Variants in SLC25A23 observed in about 807,000 individuals in gnomAD.
SLC25A23 encodes the protein mitochondrial adenyl nucleotide antiporter SLC25A23.
Under a neutral mutation model 53.9 loss-of-function variants are expected in SLC25A23, and 32 were observed. That is an observed-to-expected ratio of 0.59 (90% CI 0.45 to 0.80). The LOEUF (loss-of-function observed/expected upper bound fraction) is 0.80, where lower values mean the gene tolerates loss of function less well. SLC25A23 is among the 30% of genes least tolerant of loss of function. SLC25A23 has a pLI of 0.00. For missense variants in SLC25A23, 575 were observed against 651.4 expected, an observed-to-expected ratio of 0.88 and a Z score of 1.28; for synonymous variants, 275 against 264.5, an observed-to-expected ratio of 1.04 and a Z score of -0.38.
In SLC25A23 at chr19:6,456,286, C is replaced by T. The variant is rs368117421; in HGVS notation, c.483+134G>A. 1,067 of 970,370 alleles carry T rather than the reference C, an allele frequency of 1.1e-3. 1 individual carries two copies. Among genetic ancestry groups the T allele is most frequent in the East Asian group, 1.5e-3 (56 of 38,432 alleles). The allele number at this position is 970,370 out of a possible 1,614,324, so 60.1% of individuals were successfully genotyped here. ...AGGAAGAGAGGAACAGACCCTCATC[C>T]GTCAGCTGCTGCCAGTGCCTTCTCC... On this transcript the variant is annotated intron_variant, in intron 4 of 9. Transcript: ENST00000301454.
At chr19:6,458,101 CT>C (rs1294563102) in intron 2 of SLC25A23, 96 bp downstream of exon 2, 7 of 1,465,654 alleles carry the variant, frequency 4.8e-6, no homozygotes, top group Non-Finnish European at 6.4e-6. Flanking sequence ...GGCCCTCCCC[CT>C]CTCCTCCTAG....
In SLC25A23 at chr19:6,459,513, G is replaced by T; in HGVS notation, c.116C>A (p.Ala39Asp). The T allele has an allele frequency of 6.3e-7, 1 of 1,596,180 alleles. No individual in the cohort carries two copies. Residue 39 changes from alanine (A) to aspartate (D), a missense_variant, in exon 1 of 10, where the codon GCC (alanine) becomes GAC (aspartate). By Grantham distance (126) the Ala-to-Asp change is moderately radical (BLOSUM62 -2). Transcript: ENST00000301454. This position sits in a 1 kb window ranked among gnomAD's most constrained non-coding sequence, Gnocchi z 4.6. Reference sequence around the variant, plus strand: ...GTCTGGGTTGCCCCCGCCCAGCCTGGCCAGCCCCTGGCGCAACTCGTGCAC... The same window carrying T: ...GTCTGGGTTGCCCCCGCCCAGCCTGTCCAGCCCCTGGCGCAACTCGTGCAC... ...VDVHELRQGL[A>D]RLGGGNPDPG...
chr19:6,439,821 C>G (rs1481515698), downstream of SLC25A23, among the ~76,000 whole-genome samples: 1 of 151,998 alleles, frequency 6.6e-6, no homozygotes. Context: ...CAGAGTGAGA[C>G]TCCATCTCAA....
chr19:6,452,556 A>G, intron 7 of SLC25A23, 77 bp from the exon 8 acceptor site: 1 of 1,497,100 alleles, frequency 6.7e-7, no homozygotes, highest in Non-Finnish European at 9.0e-7. Flanking sequence ...ACCTAGAAAT[A>G]GCTACTCCTG....
At chr19:6,453,028 G>A (rs2092615157) in intron 7 of SLC25A23, among the ~76,000 whole-genome samples, 1 of 152,208 alleles carries the variant, frequency 6.6e-6, no homozygotes, top group South Asian at 2.1e-4. Context: ...GGTTCAGAAA[G>A]CATCCTTAGA....
chr19:6,453,896 T>A, intron 7 of SLC25A23, 85 bp downstream of exon 7: 1 of 1,108,860 alleles, frequency 9.0e-7, no homozygotes, highest in Non-Finnish European at 1.3e-6. Flanking sequence ...AAAATCCCAA[T>A]GGATATTGTG....
Position 6,442,165 on chromosome 19 carries a change from A to AGGGGGGGG in SLC25A23, c.1223-7_1223-6insCCCCCCCC. On this transcript the variant is annotated splice_region_variant and splice_polypyrimidine_tract_variant and intron_variant, in intron 9 of 9. Transcript: ENST00000301454. ...GGGGCCACCCTCGATGGAGGCTGGGAGGGGGCGGGGGGGGCACCAGGTAAG... is the reference window on the plus strand; with the variant it reads ...GGGGCCACCCTCGATGGAGGCTGGGAGGGGGGGGGGGGGCGGGGGGGGCACCAGGTAAG... 5 of 642,562 alleles carry AGGGGGGGG rather than the reference A, an allele frequency of 7.8e-6. No individual in the cohort carries two copies. The highest frequency in any genetic ancestry group is 9.5e-5 in the East Asian group (2 of 21,126). 39.8% of individuals were successfully genotyped at this position (642,562 alleles called of 1,614,324 possible).
At chr19:6,451,019 A>C (rs973468804) in intron 8 of SLC25A23, among the ~76,000 whole-genome samples, 5 of 151,270 alleles carry the variant, frequency 3.3e-5, no homozygotes, top group Non-Finnish European at 5.9e-5. Context: ...TGGAGGCTGC[A>C]GTGGGCCGAG....
intron 8 of SLC25A23, among the ~76,000 whole-genome samples, chr19:6,445,040 C>T (rs150051736): frequency 0.013 from 1,977 of 152,052 alleles, 45 homozygotes; most frequent in African/African-American, 0.045. Flanking sequence ...TGGGCTCAAG[C>T]GATCCTTCCC....
downstream of SLC25A23, chr19:6,436,246 G>T (rs569419901): frequency 1.2e-5 from 4 of 325,992 alleles, no homozygotes; most frequent in Non-Finnish European, 2.5e-5. Flanking sequence ...AGTGTTTGAA[G>T]TATAAGAGTC....
intron 8 of SLC25A23, among the ~76,000 whole-genome samples, chr19:6,451,226 T>C (rs994875783): frequency 2.0e-5 from 3 of 151,300 alleles, no homozygotes; most frequent in Non-Finnish European, 4.4e-5. Flanking sequence ...CTGTCTCTAC[T>C]AAAAATATAA....
downstream of SLC25A23, among the ~76,000 whole-genome samples, chr19:6,437,010 G>A (rs1024169650): frequency 3.3e-5 from 5 of 151,554 alleles, no homozygotes; most frequent in East Asian, 5.8e-4. Flanking sequence ...CACCATGCCC[G>A]GCTAATTTTT....
At chr19:6,451,830 C>CTTTTT (rs1222647154) in intron 8 of SLC25A23, among the ~76,000 whole-genome samples, 8,480 of 123,996 alleles carry the variant, frequency 0.068, 824 homozygotes, top group African/African-American at 0.2. Flanking sequence ...CTTTGCCTGC[C>CTTTTT]TTTTTTTTTT....
Position 6,444,241 on chromosome 19 carries a change from C to G in SLC25A23, c.1132G>C (p.Val378Leu). ...GATATGGTACCGCAGGCCAGGAGCA[C>G]GAGGATGCCTGGGTCTGCCGAGTCG... ...SHDSADPGILVLLACGTISST... is the reference protein window; with the variant it reads ...SHDSADPGILLLLACGTISST... The change falls in exon 9 of 10, where the codon GTG (valine) becomes CTG (leucine). Residue 378 changes from valine to leucine, a missense_variant. By Grantham distance (32) the Val-to-Leu change is conservative (BLOSUM62 1). Transcript: ENST00000301454. The G allele has an allele frequency of 6.2e-7, 1 of 1,603,814 alleles. No homozygotes were observed. The highest frequency in any genetic ancestry group is 1.1e-5 in the South Asian group (1 of 88,876).
chr19:6,459,459 G>C lies in SLC25A23; in HGVS notation c.156+14C>G. 1 of 1,580,606 alleles carries C rather than the reference G, an allele frequency of 6.3e-7. No individual in the cohort carries two copies. ...GGGGCCGGGAGGGGAGGAGGTCCCT[G>C]GGGGTGGGGGTACCTGTTGGGCGCC... On this transcript the variant is annotated intron_variant, in intron 1 of 9. Transcript: ENST00000301454. The surrounding 1 kb of genome is among the most constrained non-coding windows in gnomAD (Gnocchi z 4.6).
downstream of SLC25A23, chr19:6,436,274 G>A (rs1261449943): frequency 2.7e-6 from 1 of 364,908 alleles, no homozygotes; most frequent in Middle Eastern, 5.5e-4. Context: ...CAGGATTCAG[G>A]TACTGGGATC....
In SLC25A23 at chr19:6,454,692, G is replaced by A; in HGVS notation, c.509C>T (p.Thr170Ile). 1 of 1,614,054 alleles carries A rather than the reference G, an allele frequency of 6.2e-7. No individual in the cohort carries two copies. The highest frequency in any genetic ancestry group is 8.5e-7 in the Non-Finnish European group (1 of 1,180,028). Residue 170 changes from threonine (T) to isoleucine (I), a missense_variant, in exon 5 of 10, where the codon ACA becomes ATA. Thr to Ile is a moderately conservative substitution (Grantham distance 89). Coordinates refer to ENST00000301454, the MANE Select transcript of SLC25A23 (RefSeq NM_024103.3). The surrounding 1 kb of genome is among the most constrained non-coding windows in gnomAD (Gnocchi z 4.3). ...TTGCTTTGAGAACTCGTCCGGCACTGTCAGGCACTCGCCAATGTCCAGGAC... is the reference window on the plus strand; with the variant it reads ...TTGCTTTGAGAACTCGTCCGGCACTATCAGGCACTCGCCAATGTCCAGGAC... ...STVLDIGECL[T>I]VPDEFSKQEK...
chr19:6,447,643 T>G (rs1358976239), intron 8 of SLC25A23, among the ~76,000 whole-genome samples: 1 of 151,568 alleles, frequency 6.6e-6, no homozygotes, highest in Admixed American at 6.6e-5. Flanking sequence ...CCACCGGGAT[T>G]ACAGGCATGT....
intron 8 of SLC25A23, among the ~76,000 whole-genome samples, chr19:6,452,092 G>A (rs1023697815): frequency 2.0e-5 from 3 of 152,104 alleles, no homozygotes; most frequent in Non-Finnish European, 2.9e-5. Context: ...AGGTGACCCC[G>A]GAAGGCTGAG....
Sources: gnomAD v4.1 joint callset for allele counts (sites outside exome capture counted in the v4.1 genomes callset) on GRCh38, gnomAD v4.1.1 for gene constraint, Gnocchi (gnomAD v3.1) non-coding constraint, MANE v1.5 for transcripts, NCBI Gene and HGNC (gene_info 2026-07-23, HGNC 2026-07-21) for gene names.